Variants in TXNRD2 observed in about 807,000 individuals in gnomAD.
TXNRD2 encodes the protein thioredoxin reductase 2, mitochondrial.
Under a neutral mutation model 70.8 loss-of-function variants are expected in TXNRD2, and 67 were observed. The ratio of observed to expected loss-of-function variants is 0.95; its 90% confidence interval spans 0.78 to 1.16. The LOEUF (loss-of-function observed/expected upper bound fraction) is 1.16, where lower values mean the gene tolerates loss of function less well. TXNRD2 is among the 50% of genes most tolerant of loss of function. The pLI is 0.00. For missense variants in TXNRD2, 644 were observed against 719.9 expected, an observed-to-expected ratio of 0.89 and a Z score of 1.21; for synonymous variants, 301 against 295.8, an observed-to-expected ratio of 1.02 and a Z score of -0.18.
chr22:19,882,769 T>C (rs1037279958), intron 12 of TXNRD2, among the ~76,000 whole-genome samples: 3 of 152,108 alleles, frequency 2.0e-5, no homozygotes, highest in Non-Finnish European at 4.4e-5. Context: ...GGGCCATGTG[T>C]AAGGAGGGCT....
chr22:19,941,470 C>G (rs1235783636), intron 1 of TXNRD2: 6 of 605,166 alleles, frequency 9.9e-6, no homozygotes, highest in Non-Finnish European at 1.5e-5. Context: ...GTCAGCACAG[C>G]AGGACCTTAG....
chr22:19,879,037 C>G (rs1218544357), intron 14 of TXNRD2, among the ~76,000 whole-genome samples: 1 of 152,222 alleles, frequency 6.6e-6, no homozygotes, highest in Non-Finnish European at 1.5e-5. Context: ...ATTGTTCTAA[C>G]TAAGACAGAA....
At chr22:19,924,470 T>A (rs879567063) in intron 2 of TXNRD2, among the ~76,000 whole-genome samples, 2 of 152,120 alleles carry the variant, frequency 1.3e-5, no homozygotes, top group Non-Finnish European at 2.9e-5. Context: ...ATGGTCTCCA[T>A]CATACCCGTA....
At chr22:19,927,651 C>CAAAAAAAAAAAAAAAAAA (rs149665821) in intron 2 of TXNRD2, among the ~76,000 whole-genome samples, 4 of 68,370 alleles carry the variant, frequency 5.9e-5, no homozygotes, top group Non-Finnish European at 8.4e-5. Flanking sequence ...GACCTTGTCT[C>CAAAAAAAAAAAAAAAAAA]AAAAAAAAAA....
At chr22:19,938,010 T>G (rs1831763083) in intron 1 of TXNRD2, 1 of 152,260 alleles carries the variant, frequency 6.6e-6, no homozygotes, top group Non-Finnish European at 1.5e-5. Flanking sequence ...CCCAGCCTCT[T>G]CTTCTGTCTC....
chr22:19,904,593 C>G (rs1283978573), intron 8 of TXNRD2, among the ~76,000 whole-genome samples: 1 of 152,222 alleles, frequency 6.6e-6, no homozygotes, highest in Non-Finnish European at 1.5e-5. Flanking sequence ...CTGGAGCTCC[C>G]GGCAGTGGGC....
At chr22:19,911,298 C>T in intron 8 of TXNRD2, 79 bp downstream of exon 8, 1 of 1,180,784 alleles carries the variant, frequency 8.5e-7, no homozygotes, top group South Asian at 1.2e-5. Flanking sequence ...AGGAGCCCAG[C>T]ACCAGCACAG....
chr22:19,907,104 G>C (rs1377433595), intron 8 of TXNRD2, among the ~76,000 whole-genome samples: 1 of 98,002 alleles, frequency 1.0e-5, no homozygotes, highest in Non-Finnish European at 2.0e-5. Context: ...GGGCGCCATG[G>C]GTAGCAGTGA....
chr22:19,931,190 G>A, intron 1 of TXNRD2, 92 bp from the exon 2 acceptor site: 1 of 1,164,830 alleles, frequency 8.6e-7, no homozygotes. Flanking sequence ...TCCATTCTGT[G>A]ATGGTCAGGG....
At chr22:19,911,563 C>T (rs1382353752) in intron 7 of TXNRD2, 116 bp from the exon 8 acceptor site, 2 of 795,520 alleles carry the variant, frequency 2.5e-6, no homozygotes, top group Non-Finnish European at 4.4e-6. Flanking sequence ...GGCACACATG[C>T]ACAGGGCTTC....
chr22:19,877,202 G>A lies in TXNRD2; in HGVS notation c.1478C>T (p.Thr493Ile), dbSNP rs375338503. 7 of 1,611,450 alleles carry A rather than the reference G, an allele frequency of 4.3e-6. No individual in the cohort carries two copies. Among genetic ancestry groups the A allele is most frequent in the Non-Finnish European group, 5.9e-6 (7 of 1,178,714 alleles). Residue 493 changes from threonine to isoleucine, a missense_variant, in exon 17 of 18, where the codon ACC becomes ATC. Physicochemically the swap from Thr to Ile is moderately conservative, Grantham distance 89. Around this residue, in one of 3 missense-constraint regions of TXNRD2, gnomAD observed 566 missense variants for 645.0 expected, o/e 0.88. Transcript: ENST00000400521. ...CGASYAQVMRTVGIHPTCSEE... is the reference protein window; with the variant it reads ...CGASYAQVMRIVGIHPTCSEE... Reference sequence around the variant, plus strand: ...AGAGCATGTGGGATGGATACCCACGGTCCGCATCACCTGCGCATAGGAAGC... The same window carrying A: ...AGAGCATGTGGGATGGATACCCACGATCCGCATCACCTGCGCATAGGAAGC...
chr22:19,887,857 A>T (rs1484535589), intron 11 of TXNRD2: 1 of 152,380 alleles, frequency 6.6e-6, no homozygotes, highest in Non-Finnish European at 1.5e-5. Flanking sequence ...GTATGGCCGC[A>T]AGCCCCAAGG....
chr22:19,895,312 G>C, intron 11 of TXNRD2, 95 bp downstream of exon 11: 1 of 1,598,774 alleles, frequency 6.3e-7, no homozygotes, highest in South Asian at 1.1e-5. Flanking sequence ...CCAGCAGGAT[G>C]GGGGAGCCCT....
At chr22:19,886,061 A>G (rs1939015437) in intron 11 of TXNRD2, among the ~76,000 whole-genome samples, 1 of 152,168 alleles carries the variant, frequency 6.6e-6, no homozygotes, top group Non-Finnish European at 1.5e-5. Flanking sequence ...GCCAGGGGAG[A>G]GTGGGCTGCG....
chr22:19,941,593 C>T, intron 1 of TXNRD2, 108 bp downstream of exon 1: 1 of 1,336,804 alleles, frequency 7.5e-7, no homozygotes, highest in Non-Finnish European at 9.5e-7. Context: ...GACACCCCCG[C>T]GTGGGCACCC....
chr22:19,909,603 A>T (rs1295036354), intron 8 of TXNRD2, among the ~76,000 whole-genome samples: 1 of 98,592 alleles, frequency 1.0e-5, no homozygotes, highest in African/African-American at 4.2e-5. Flanking sequence ...CACACCACTC[A>T]CACACACACA....
intron 8 of TXNRD2, chr22:19,910,954 A>G (rs1371310844): frequency 1.4e-5 from 4 of 284,894 alleles, no homozygotes; most frequent in South Asian, 6.2e-5. Context: ...GGGCGCCTGT[A>G]ATTTCAGCTA....
intron 2 of TXNRD2, among the ~76,000 whole-genome samples, chr22:19,928,493 C>T (rs575480376): frequency 6.6e-6 from 1 of 152,300 alleles, no homozygotes; most frequent in African/African-American, 2.4e-5. Flanking sequence ...AGCAGCATTC[C>T]GTTTATACGC....
intron 8 of TXNRD2, among the ~76,000 whole-genome samples, chr22:19,909,509 ACAC>A (rs746322114): frequency 6.9e-6 from 1 of 145,946 alleles, no homozygotes; most frequent in Non-Finnish European, 1.5e-5. Context: ...TCACACACAC[ACAC>A]ACCACTCACA....
Sources: allele counts gnomAD v4.1 joint callset (sites outside exome capture counted in the v4.1 genomes callset), GRCh38; gene constraint gnomAD v4.1.1; regional missense constraint gnomAD v4.1.1; transcripts MANE v1.5; gene names NCBI Gene and HGNC (gene_info 2026-07-23, HGNC 2026-07-21).